Variants in ANGPT2 observed in about 807,000 individuals in gnomAD.
The protein encoded by ANGPT2 is angiopoietin 2, also known as angiopoietin-2.
In ANGPT2, 28 loss-of-function variants were observed where a neutral mutation model predicts 62.9. The ratio of observed to expected loss-of-function variants is 0.44; its 90% CI spans 0.33 to 0.61. The LOEUF is 0.61. Ranked by LOEUF, ANGPT2 falls within the 20% of genes least tolerant of loss-of-function variation. The pLI, the probability that ANGPT2 is intolerant of heterozygous loss-of-function variation, is 0.03. For synonymous variants in ANGPT2, 284 were observed against 207.8 expected (o/e 1.37, Z -3.15); for missense variants, 727 against 594.9 (o/e 1.22, Z -2.31).
chr8:6,532,653 A>G (rs1038009000), intron 1 of ANGPT2, among the ~76,000 whole-genome samples, 166 bp from the exon 2 acceptor site: 3 of 150,654 alleles, frequency 2.0e-5, no homozygotes, highest in African/African-American at 7.3e-5. Flanking sequence ...TTTTATCATT[A>G]GGAAAATACA....
intron 8 of ANGPT2, among the ~76,000 whole-genome samples, chr8:6,504,583 T>A (rs1812893526): frequency 6.6e-6 from 1 of 152,168 alleles, no homozygotes; most frequent in Admixed American, 6.5e-5. Flanking sequence ...AGAGTGATGA[T>A]GCTGGCAATT....
At chr8:6,555,540 C>T (rs949487885) in intron 1 of ANGPT2, among the ~76,000 whole-genome samples, 1 of 151,574 alleles carries the variant, frequency 6.6e-6, no homozygotes, top group African/African-American at 2.4e-5. Flanking sequence ...TGGCTCACTG[C>T]AGCCTGTGCC....
chr8:6,519,193 C>G (rs1002331861), intron 5 of ANGPT2, among the ~76,000 whole-genome samples: 2 of 152,216 alleles, frequency 1.3e-5, no homozygotes, highest in African/African-American at 4.8e-5. Context: ...CAGCGGTTCT[C>G]ATGGTGTGGA....
At chr8:6,506,864 A>G (rs1813829854) in intron 8 of ANGPT2, among the ~76,000 whole-genome samples, 1 of 150,360 alleles carries the variant, frequency 6.7e-6, no homozygotes, top group African/African-American at 2.5e-5. Context: ...ATTTCATATT[A>G]TTTTCATTAC....
chr8:6,532,237 T>C, intron 2 of ANGPT2, 95 bp downstream of exon 2: 1 of 1,414,312 alleles, frequency 7.1e-7, no homozygotes, highest in Non-Finnish European at 9.8e-7. Flanking sequence ...GTGCTTTCTT[T>C]AGTTTCTCAT....
At position 6,549,131 on chromosome 8, in the gene ANGPT2, C is replaced by T. The variant is rs1430350870; in HGVS notation, c.288+13516G>A. ...TCAGTCAGTCCAACTCCACAGATTT[C>T]AGAGATAGCAGTACAAGAAAAATGA... On this transcript the variant is annotated intron_variant, in intron 1 of 8. Coordinates refer to ENST00000629816, the MANE Select transcript of ANGPT2 (RefSeq NM_001118887.2). Among the ~76,000 whole-genome samples the T allele has an allele frequency of 3.3e-5, 5 of 152,296 alleles. No individual in the cohort carries two copies. The East Asian group carries it at 9.6e-4, about 29-fold the overall frequency.
chr8:6,558,765 G>C (rs1047052077), intron 1 of ANGPT2, among the ~76,000 whole-genome samples: 1 of 151,956 alleles, frequency 6.6e-6, no homozygotes. Flanking sequence ...CAGTATGTCA[G>C]ACAACCCCAT....
Position 6,503,094 on chromosome 8 carries a change from G to A in ANGPT2, c.*7C>T, listed in dbSNP as rs773693217. The A allele has an allele frequency of 1.9e-6, 3 of 1,614,004 alleles. No homozygotes were observed. In the Admixed American group the frequency reaches 5.0e-5, roughly 27 times the overall value. ...TTCGAGACAGTTCCTCAGGTGGACT[G>A]GGATGTTTAGAAATCTGCTGGTCGG... On this transcript the variant is annotated 3_prime_UTR_variant, in exon 9 of 9. Transcript: ENST00000629816.
chr8:6,522,644 C>G (rs938668693), intron 3 of ANGPT2, among the ~76,000 whole-genome samples: 1 of 150,700 alleles, frequency 6.6e-6, no homozygotes, highest in Non-Finnish European at 1.5e-5. Flanking sequence ...CGTGGGGGTA[C>G]ATGAATGTAA....
In ANGPT2 at chr8:6,526,594, A is replaced by G. The variant is rs187671019; in HGVS notation, c.566+961T>C. On this transcript the variant is annotated intron_variant, in intron 3 of 8. Transcript: ENST00000629816. ...ATTTGCTTTTCAAAACCCTAAATCA[A>G]TAATGACTTAAACTTGGTATCCAAA... Among the ~76,000 whole-genome samples, 41 of 152,364 alleles carry G rather than the reference A, an allele frequency of 2.7e-4. 1 individual carries two copies. The highest frequency in any genetic ancestry group is 2.1e-3 in the Admixed American group (32 of 15,308).
At chr8:6,521,713 C>T (rs890528428) in intron 3 of ANGPT2, among the ~76,000 whole-genome samples, 3 of 152,188 alleles carry the variant, frequency 2.0e-5, no homozygotes, top group African/African-American at 7.2e-5. Context: ...GTATTAGATG[C>T]TGCAGCGCTC....
At chr8:6,511,707 C>G (rs1053829429) in intron 7 of ANGPT2, among the ~76,000 whole-genome samples, 3 of 152,110 alleles carry the variant, frequency 2.0e-5, no homozygotes, top group African/African-American at 4.8e-5. Context: ...TCTTGCCAAG[C>G]AAATTAAGCT....
chr8:6,515,348 A>T (rs1283867903), intron 5 of ANGPT2, among the ~76,000 whole-genome samples: 1 of 152,168 alleles, frequency 6.6e-6, no homozygotes, highest in South Asian at 2.1e-4. Context: ...TTTGGTTCAC[A>T]TCTGAGCACA....
intron 5 of ANGPT2, among the ~76,000 whole-genome samples, chr8:6,517,148 C>T (rs937708187): frequency 6.6e-6 from 1 of 152,182 alleles, no homozygotes; most frequent in East Asian, 1.9e-4. Context: ...TTGATTATAT[C>T]AGGATCAGCA....
chr8:6,511,535 G>A (rs1251529990), intron 7 of ANGPT2, among the ~76,000 whole-genome samples: 1 of 151,948 alleles, frequency 6.6e-6, no homozygotes, highest in African/African-American at 2.4e-5. Flanking sequence ...CCAACACTTG[G>A]GGAACATTTC....
chr8:6,517,451 T>C (rs1394303308), intron 5 of ANGPT2, among the ~76,000 whole-genome samples: 4 of 152,202 alleles, frequency 2.6e-5, no homozygotes, highest in Admixed American at 2.6e-4. Context: ...TCTTGCAGTC[T>C]CTCTCTCGTA....
intron 8 of ANGPT2, among the ~76,000 whole-genome samples, chr8:6,504,127 G>A (rs1365159479): frequency 1.3e-5 from 2 of 151,844 alleles, no homozygotes; most frequent in African/African-American, 4.8e-5. Context: ...GACCATCCTG[G>A]CTAACACGGT....
At chr8:6,551,941 C>T (rs569311454) in intron 1 of ANGPT2, among the ~76,000 whole-genome samples, 3 of 152,166 alleles carry the variant, frequency 2.0e-5, no homozygotes, top group Admixed American at 6.5e-5. Context: ...CCAAAGACTA[C>T]GCAGTCTAAT....
chr8:6,530,124 C>T (rs951891162), intron 2 of ANGPT2, among the ~76,000 whole-genome samples: 2 of 152,058 alleles, frequency 1.3e-5, no homozygotes, highest in Admixed American at 6.5e-5. Context: ...ATGAGCTATT[C>T]AATTACCCAT....
Sources: gnomAD v4.1 joint callset for allele counts (sites outside exome capture counted in the v4.1 genomes callset) on GRCh38, gnomAD v4.1.1 for gene constraint, MANE v1.5 for transcripts, NCBI Gene and HGNC (gene_info 2026-07-23, HGNC 2026-07-21) for gene names.